Variants in FGL1 observed in about 807,000 individuals in gnomAD.
FGL1 encodes the protein fibrinogen-like protein 1.
FGL1 carries 59 observed loss-of-function variants against 43.7 expected under a neutral mutation model. The ratio of observed to expected loss-of-function variants is 1.35; its 90% confidence interval spans 1.10 to 1.68. The LOEUF is 1.68. Among genes scored for constraint, FGL1 ranks in the 40% most tolerant of loss-of-function variants. FGL1 has a pLI of 0.00. For missense variants in FGL1, 596 were observed against 373.0 expected (o/e 1.60, Z -4.92); for synonymous variants, 192 against 126.5 (o/e 1.52, Z -3.48).
intron 1 of FGL1, among the ~76,000 whole-genome samples, chr8:17,890,588 T>G (rs1267397665): frequency 1.3e-5 from 2 of 152,122 alleles, no homozygotes; most frequent in African/African-American, 4.8e-5. Context: ...CTACCACATA[T>G]AAAATAACAG....
intron 4 of FGL1, 22 bp downstream of exon 4, chr8:17,874,340 T>A (rs1350316351): frequency 6.2e-7 from 1 of 1,607,818 alleles, no homozygotes; most frequent in Admixed American, 1.7e-5. Context: ...ACATATAAAG[T>A]CTTACATCAT....
chr8:17,895,269 A>T lies in FGL1; in HGVS notation c.-18+178T>A, dbSNP rs113664040. ...ATTTGTATATCTGTATATCTGTAACAAAAGATACATAATTCTAAATCTCTT... is the reference window on the plus strand; with the variant it reads ...ATTTGTATATCTGTATATCTGTAACTAAAGATACATAATTCTAAATCTCTT... On this transcript the variant is annotated intron_variant, in intron 1 of 7. Coordinates refer to ENST00000427924, the MANE Select transcript of FGL1 (RefSeq NM_004467.4). 2.0e-4 allele frequency: 208 copies of T among 1,016,088 alleles called. 4 individuals are homozygous for T. In the South Asian group the frequency reaches 3.4e-3, roughly 16 times the overall value. The allele number at this position is 1,016,088 out of a possible 1,614,324, so 62.9% of individuals were successfully genotyped here.
intron 1 of FGL1, among the ~76,000 whole-genome samples, chr8:17,889,443 G>C (rs1036864462): frequency 4.5e-4 from 68 of 152,046 alleles, no homozygotes; most frequent in African/African-American, 1.5e-3. Context: ...CCAGCTACTC[G>C]GGAGGCTGAA....
chr8:17,887,751 C>T (rs2053650604), intron 1 of FGL1, among the ~76,000 whole-genome samples: 1 of 151,718 alleles, frequency 6.6e-6, no homozygotes, highest in South Asian at 2.1e-4. Context: ...AGGAGAATTG[C>T]TTGAACCTGG....
intron 2 of FGL1, 173 bp from the exon 3 acceptor site, chr8:17,882,352 A>C: frequency 1.8e-6 from 1 of 546,682 alleles, no homozygotes; most frequent in South Asian, 2.9e-5. Context: ...TATTTGAAGA[A>C]TTGGAAATTA....
intron 3 of FGL1, among the ~76,000 whole-genome samples, chr8:17,878,209 C>T (rs537212640): frequency 0.022 from 3,344 of 152,228 alleles, 61 homozygotes; most frequent in South Asian, 0.049. Context: ...ACCTCGGCCT[C>T]TCAAAGTGCA....
intron 3 of FGL1, among the ~76,000 whole-genome samples, chr8:17,876,951 T>A (rs1488812705): frequency 6.6e-6 from 1 of 152,076 alleles, no homozygotes. Context: ...AGCTTTTAAC[T>A]GAAATAAACA....
intron 1 of FGL1, chr8:17,891,767 A>G: frequency 1.0e-6 from 1 of 983,758 alleles, no homozygotes. Context: ...GTGTCTGTTG[A>G]ATTTATAAGA....
chr8:17,885,899 G>A (rs34800079), intron 1 of FGL1: 1 of 185,888 alleles, frequency 5.4e-6, no homozygotes, highest in Non-Finnish European at 1.1e-5. Flanking sequence ...AGGAAGTGGC[G>A]TAGTCAAAAT....
chr8:17,870,975 A>G (rs184606409), intron 5 of FGL1, among the ~76,000 whole-genome samples: 7 of 86,318 alleles, frequency 8.1e-5, no homozygotes, highest in African/African-American at 3.0e-4. Flanking sequence ...GAACATCCTG[A>G]AGGAGTCCTA....
intron 1 of FGL1, chr8:17,895,226 T>A: frequency 1.2e-6 from 1 of 865,306 alleles, no homozygotes; most frequent in Non-Finnish European, 1.4e-6. Context: ...CTAACATACC[T>A]TATTTGTATA....
intron 3 of FGL1, among the ~76,000 whole-genome samples, chr8:17,876,189 T>C (rs888764419): frequency 6.6e-6 from 1 of 152,230 alleles, no homozygotes; most frequent in African/African-American, 2.4e-5. Context: ...AAAATTTTTT[T>C]CTTATTGGAT....
At chr8:17,893,533 C>T (rs1454016363) in intron 1 of FGL1, among the ~76,000 whole-genome samples, 2 of 150,146 alleles carry the variant, frequency 1.3e-5, no homozygotes, top group Non-Finnish European at 2.9e-5. Context: ...CTCTTGATGT[C>T]CTGAAATGTT....
chr8:17,886,113 T>C (rs751936001), intron 1 of FGL1, among the ~76,000 whole-genome samples: 2 of 152,226 alleles, frequency 1.3e-5, no homozygotes, highest in Non-Finnish European at 2.9e-5. Context: ...ATTTAATTCT[T>C]GTGGTGACCC....
intron 1 of FGL1, among the ~76,000 whole-genome samples, chr8:17,887,757 C>T (rs1381435148): frequency 2.6e-5 from 4 of 151,802 alleles, no homozygotes; most frequent in Non-Finnish European, 5.9e-5. Context: ...ATTGCTTGAA[C>T]CTGGGAGGTG....
chr8:17,892,263 A>G lies in FGL1; in HGVS notation c.-18+3184T>C, dbSNP rs757422451. ...TGCATAGTCACAGACATACAGTCAT[A>G]AAGTATTTTTCATGTTACAGAAAAT... is the stretch of plus-strand genomic sequence containing the variant. On this transcript the variant is annotated intron_variant, in intron 1 of 7. Coordinates refer to ENST00000427924, the MANE Select transcript of FGL1 (RefSeq NM_004467.4). Among the ~76,000 whole-genome samples, 27 of 152,326 alleles carry G rather than the reference A, an allele frequency of 1.8e-4. 1 individual carries two copies. The highest frequency in any genetic ancestry group is 3.5e-4 in the Non-Finnish European group (24 of 68,016).
At chr8:17,874,292 A>T (rs2053409874) in intron 4 of FGL1, 70 bp downstream of exon 4, 2 of 1,524,152 alleles carry the variant, frequency 1.3e-6, no homozygotes, top group South Asian at 2.4e-5. Context: ...TCAGGATATG[A>T]TCAAAATATT....
At chr8:17,881,942 C>G in intron 3 of FGL1, 57 bp downstream of exon 3, 1 of 1,421,886 alleles carries the variant, frequency 7.0e-7, no homozygotes, top group South Asian at 1.3e-5. Flanking sequence ...AGCACCATCA[C>G]TGTACATGGG....
intron 7 of FGL1, among the ~76,000 whole-genome samples, chr8:17,865,947 T>A (rs1029994972): frequency 1.2e-4 from 18 of 152,330 alleles, no homozygotes; most frequent in African/African-American, 4.3e-4. Flanking sequence ...TGGACGTAAT[T>A]AATTGAAAAT....
Sources: allele counts gnomAD v4.1 joint callset (sites outside exome capture counted in the v4.1 genomes callset), GRCh38; gene constraint gnomAD v4.1.1; transcripts MANE v1.5; gene names NCBI Gene and HGNC (gene_info 2026-07-23, HGNC 2026-07-21).